KCNH7: variants seen among roughly 807,000 people sequenced by gnomAD.
KCNH7 encodes potassium voltage-gated channel subfamily H member 7, also known as voltage-gated inwardly rectifying potassium channel KCNH7.
KCNH7 carries 49 observed loss-of-function variants against 120.8 expected under a neutral mutation model. The observed-to-expected ratio is 0.41, with a 90% CI of 0.32 to 0.51. The LOEUF (loss-of-function observed/expected upper bound fraction) is 0.51, where lower values mean the gene tolerates loss of function less well. Among genes scored for constraint, KCNH7 ranks in the 20% least tolerant of loss-of-function variants. The probability of loss-of-function intolerance (pLI) is 0.38; values close to 1 mark genes in which losing one functional copy is unlikely to be tolerated. For missense variants in KCNH7, 1,097 were observed against 1,446.6 expected (o/e 0.76, Z 3.92); for synonymous variants, 547 against 516.1 (o/e 1.06, Z -0.81).
At chr2:162,613,295 A>G (rs1206363021) in intron 2 of KCNH7, among the ~76,000 whole-genome samples, 2 of 152,070 alleles carry the variant, frequency 1.3e-5, no homozygotes. Context: ...TGATAGCATC[A>G]ATAGAAGTCA....
intron 12 of KCNH7, among the ~76,000 whole-genome samples, chr2:162,393,095 A>T (rs1013494693): frequency 5.9e-5 from 9 of 151,934 alleles, no homozygotes; most frequent in Admixed American, 1.3e-4. Flanking sequence ...GGAGGTAGCA[A>T]TAATAGGAGT....
At chr2:162,429,389 T>TTTTTTTTTTTTTTTTTTTTA (rs1687988089) in intron 8 of KCNH7, among the ~76,000 whole-genome samples, 1 of 142,966 alleles carries the variant, frequency 7.0e-6, no homozygotes, top group African/African-American at 2.6e-5. Flanking sequence ...AAGTCTTTTT[T>TTTTTTTTTTTTTTTTTTTTA]TTTTTTTTTT....
intron 2 of KCNH7, among the ~76,000 whole-genome samples, chr2:162,620,357 G>GA (rs1683311167): frequency 6.6e-6 from 1 of 151,880 alleles, no homozygotes; most frequent in Admixed American, 6.6e-5. Context: ...TCTTGGCCCA[G>GA]AAATTGTAAG....
rs74648013 is a variant in KCNH7 at position 162,483,284 on chromosome 2, C to A, written c.1128+21159G>T. Among the ~76,000 whole-genome samples, 616 of 152,092 alleles carry A rather than the reference C, an allele frequency of 4.1e-3. 4 individuals are homozygous for A. Among genetic ancestry groups the A allele is most frequent in the Non-Finnish European group, 7.4e-3 (500 of 67,968 alleles). On this transcript the variant is annotated intron_variant, in intron 6 of 15. Transcript: ENST00000332142. ...ATTTCAATATTTGTCATTATAATCC[C>A]TTTAGGATCATGTAGAATGAAGTGG...
At chr2:162,565,329 AAC>A (rs1693217571) in intron 2 of KCNH7, among the ~76,000 whole-genome samples, 1 of 151,446 alleles carries the variant, frequency 6.6e-6, no homozygotes, top group Non-Finnish European at 1.5e-5. Flanking sequence ...AAAAAAACGT[AAC>A]TAGTCCTAGG....
intron 3 of KCNH7, among the ~76,000 whole-genome samples, chr2:162,528,654 C>T (rs1463844599): frequency 2.6e-5 from 4 of 151,782 alleles, no homozygotes; most frequent in Non-Finnish European, 5.9e-5. Flanking sequence ...ATGCATAGGG[C>T]TTTGGAGTCT....
chr2:162,623,757 T>G (rs1262263486), intron 2 of KCNH7, among the ~76,000 whole-genome samples: 1 of 152,180 alleles, frequency 6.6e-6, no homozygotes, highest in African/African-American at 2.4e-5. Flanking sequence ...CTTTGTAAAA[T>G]TCTTTGAGCA....
At chr2:162,585,454 A>G (rs1693995336) in intron 2 of KCNH7, among the ~76,000 whole-genome samples, 1 of 152,142 alleles carries the variant, frequency 6.6e-6, no homozygotes, top group Non-Finnish European at 1.5e-5. Flanking sequence ...GAACATGTGC[A>G]AGTTTTAAAA....
rs184959204 is a variant in KCNH7 at position 162,562,553 on chromosome 2, G to A, written c.308-25473C>T. ...AGAGTAGATATTCTTGCTGTTGACC[G>A]CTCAGGTAAAAGTACTCGGTCCTTA... On this transcript the variant is annotated intron_variant, in intron 2 of 15. Coordinates refer to ENST00000332142, the MANE Select transcript of KCNH7 (RefSeq NM_033272.4). Among the ~76,000 whole-genome samples the A allele has an allele frequency of 4.6e-3, 705 of 152,258 alleles. 6 individuals are homozygous for A. The highest frequency in any genetic ancestry group is 0.016 in the African/African-American group (662 of 41,550).
At chr2:162,755,941 G>A (rs186992353) in intron 2 of KCNH7, among the ~76,000 whole-genome samples, 1 of 152,124 alleles carries the variant, frequency 6.6e-6, no homozygotes, top group East Asian at 1.9e-4. Context: ...GTTGAATTAG[G>A]TATATTAAGA....
intron 13 of KCNH7, 130 bp from the exon 14 acceptor site, chr2:162,380,151 A>T: frequency 9.1e-7 from 1 of 1,101,448 alleles, no homozygotes; most frequent in Non-Finnish European, 1.3e-6. Context: ...AAAAGTATTC[A>T]GTGATGTGTC....
At chr2:162,422,046 T>G (rs951336085) in intron 9 of KCNH7, among the ~76,000 whole-genome samples, 9 of 152,238 alleles carry the variant, frequency 5.9e-5, no homozygotes, top group Non-Finnish European at 1.2e-4. Context: ...AGTGTTCTTT[T>G]GGGGGATTAA....
At chr2:162,687,188 T>A (rs1325822346) in intron 2 of KCNH7, among the ~76,000 whole-genome samples, 1 of 152,056 alleles carries the variant, frequency 6.6e-6, no homozygotes, top group East Asian at 1.9e-4. Context: ...CACGCCTCAC[T>A]CCCTCACATT....
intron 2 of KCNH7, among the ~76,000 whole-genome samples, chr2:162,751,269 A>C (rs1386910073): frequency 6.6e-6 from 1 of 152,238 alleles, no homozygotes; most frequent in Non-Finnish European, 1.5e-5. Flanking sequence ...ATTTTTCACC[A>C]AAGTACTATA....
At chr2:162,422,368 T>C (rs1490734236) in intron 9 of KCNH7, among the ~76,000 whole-genome samples, 1 of 152,188 alleles carries the variant, frequency 6.6e-6, no homozygotes, top group Non-Finnish European at 1.5e-5. Context: ...ACACAAAAAT[T>C]GTTTCATGCA....
chr2:162,611,158 C>A (rs912871713), intron 2 of KCNH7, among the ~76,000 whole-genome samples: 4 of 152,282 alleles, frequency 2.6e-5, no homozygotes, highest in African/African-American at 9.6e-5. Context: ...CCAGGGGGCC[C>A]ACCGTGGGGC....
chr2:162,429,383 C>CTTTTTTTTTTTTTTTTTTTTTTTTTTTTT lies in KCNH7; in HGVS notation c.1954+5814_1954+5815insAAAAAAAAAAAAAAAAAAAAAAAAAAAAA, dbSNP rs60854157. ...AGACATTTAGAAATGAGGAAAAAGT[C>CTTTTTTTTTTTTTTTTTTTTTTTTTTTTT]TTTTTTTTTTTTTTTTTTTTTTACT... On this transcript the variant is annotated intron_variant, in intron 8 of 15. Coordinates refer to ENST00000332142, the MANE Select transcript of KCNH7 (RefSeq NM_033272.4). 3.9e-4 allele frequency among the ~76,000 whole-genome samples: 34 copies of CTTTTTTTTTTTTTTTTTTTTTTTTTTTTT among 86,236 alleles called. 3 individuals carry two copies. Among genetic ancestry groups the CTTTTTTTTTTTTTTTTTTTTTTTTTTTTT allele is most frequent in the South Asian group, 1.2e-3 (3 of 2,572 alleles). The allele number at this position is 86,236 out of a possible 152,430, so 56.6% of individuals were successfully genotyped here. A position where few individuals can be genotyped will look rare whatever the true frequency, so the allele number is the denominator to read the frequency against.
At chr2:162,648,148 T>C (rs1479511777) in intron 2 of KCNH7, among the ~76,000 whole-genome samples, 1 of 152,190 alleles carries the variant, frequency 6.6e-6, no homozygotes, top group Non-Finnish European at 1.5e-5. Flanking sequence ...CTGAGTAATT[T>C]ATGAAGAAAA....
intron 2 of KCNH7, among the ~76,000 whole-genome samples, chr2:162,753,682 T>C (rs938558195): frequency 8.6e-5 from 13 of 151,978 alleles, no homozygotes; most frequent in African/African-American, 2.9e-4. Flanking sequence ...CCTAGAGGAG[T>C]TGCCACAGAT....
Sources: gnomAD v4.1 joint callset for allele counts (sites outside exome capture counted in the v4.1 genomes callset) on GRCh38, gnomAD v4.1.1 for gene constraint, MANE v1.5 for transcripts, NCBI Gene and HGNC (gene_info 2026-07-23, HGNC 2026-07-21) for gene names.